Variants in DCDC2 observed in about 807,000 individuals in gnomAD.
DCDC2 encodes the protein doublecortin domain containing 2.
Under a neutral mutation model 50.2 loss-of-function variants are expected in DCDC2, and 40 were observed. The ratio of observed to expected loss-of-function variants is 0.80; its 90% CI spans 0.62 to 1.04. DCDC2 has a LOEUF of 1.04. Among genes scored for constraint, DCDC2 ranks in the 50% least tolerant of loss-of-function variants. The pLI, the probability that DCDC2 is intolerant of heterozygous loss-of-function variation, is 0.00. For missense variants in DCDC2, 570 were observed against 581.9 expected (o/e 0.98, Z 0.21); for synonymous variants, 234 against 210.6 (o/e 1.11, Z -0.96).
At chr6:24,267,379 T>C (rs1763144516) in intron 7 of DCDC2, among the ~76,000 whole-genome samples, 1 of 152,246 alleles carries the variant, frequency 6.6e-6, no homozygotes, top group Non-Finnish European at 1.5e-5. Flanking sequence ...GTGATTATTA[T>C]GAATTATATG....
At chr6:24,314,647 A>C (rs1390443822) in intron 2 of DCDC2, among the ~76,000 whole-genome samples, 1 of 152,146 alleles carries the variant, frequency 6.6e-6, no homozygotes, top group Non-Finnish European at 1.5e-5. Context: ...ATAACTGTTT[A>C]AAAAAATGAA....
At chr6:24,218,417 TTCTC>T (rs1216484859) in intron 7 of DCDC2, among the ~76,000 whole-genome samples, 1 of 152,210 alleles carries the variant, frequency 6.6e-6, no homozygotes, top group Non-Finnish European at 1.5e-5. Flanking sequence ...TGTAGATTTG[TTCTC>T]TATCTATAAT....
intron 7 of DCDC2, among the ~76,000 whole-genome samples, chr6:24,234,924 T>A (rs192388680): frequency 6.6e-6 from 1 of 152,076 alleles, no homozygotes; most frequent in Non-Finnish European, 1.5e-5. Context: ...TATGGGAGGA[T>A]AGAAATGATA....
intron 7 of DCDC2, among the ~76,000 whole-genome samples, chr6:24,220,226 C>T (rs568158419): frequency 6.6e-6 from 1 of 152,236 alleles, no homozygotes; most frequent in Admixed American, 6.5e-5. Flanking sequence ...TATGCAGGTA[C>T]AAAATAAGAA....
chr6:24,196,225 T>C (rs888193082), intron 8 of DCDC2, among the ~76,000 whole-genome samples: 1 of 19,382 alleles, frequency 5.2e-5, no homozygotes, highest in Non-Finnish European at 1.6e-4. Context: ...ATAATTGGCT[T>C]TTTTTTTTTA....
intron 7 of DCDC2, 87 bp from the exon 8 acceptor site, chr6:24,205,189 T>G (rs1761685763): frequency 6.2e-7 from 1 of 1,614,004 alleles, no homozygotes; most frequent in Non-Finnish European, 8.5e-7. Context: ...ATGCTTATTT[T>G]TAATAGACAT....
chr6:24,269,504 A>G (rs1763193241), intron 7 of DCDC2, among the ~76,000 whole-genome samples: 1 of 152,240 alleles, frequency 6.6e-6, no homozygotes, highest in Non-Finnish European at 1.5e-5. Context: ...GTACTGAGCA[A>G]TTAGAACAAA....
intron 7 of DCDC2, among the ~76,000 whole-genome samples, chr6:24,235,766 C>T (rs1762430056): frequency 6.6e-6 from 1 of 152,164 alleles, no homozygotes; most frequent in African/African-American, 2.4e-5. Flanking sequence ...ACTCTCACCT[C>T]TACAAAAGCA....
intron 2 of DCDC2, among the ~76,000 whole-genome samples, chr6:24,352,034 G>T (rs1473104762): frequency 6.6e-6 from 1 of 152,140 alleles, no homozygotes; most frequent in Non-Finnish European, 1.5e-5. Flanking sequence ...AACCCAGGAG[G>T]TGGAGGTTGC....
chr6:24,229,109 T>C (rs1039605650), intron 7 of DCDC2, among the ~76,000 whole-genome samples: 1 of 152,228 alleles, frequency 6.6e-6, no homozygotes, highest in African/African-American at 2.4e-5. Flanking sequence ...TACCACAGAC[T>C]TGGTGGCTGA....
intron 8 of DCDC2, among the ~76,000 whole-genome samples, chr6:24,183,139 G>A (rs1021745492): frequency 2.0e-5 from 3 of 152,140 alleles, no homozygotes; most frequent in Non-Finnish European, 4.4e-5. Flanking sequence ...TTGAGGGAGG[G>A]CGAAATGGGG....
intron 2 of DCDC2, among the ~76,000 whole-genome samples, chr6:24,327,199 TCA>T (rs1204867967): frequency 6.7e-6 from 1 of 149,552 alleles, no homozygotes; most frequent in African/African-American, 2.4e-5. Flanking sequence ...CGTCACCAAT[TCA>T]CAGTTAAGGA....
At chr6:24,348,911 C>A (rs1760314073) in intron 2 of DCDC2, among the ~76,000 whole-genome samples, 1 of 152,188 alleles carries the variant, frequency 6.6e-6, no homozygotes, top group African/African-American at 2.4e-5. Context: ...AGCACAGTTC[C>A]CAGCCCATCT....
intron 1 of DCDC2, among the ~76,000 whole-genome samples, chr6:24,356,088 A>C (rs925557526): frequency 1.2e-4 from 19 of 152,212 alleles, no homozygotes; most frequent in African/African-American, 4.6e-4. Context: ...AGAGAAATGA[A>C]AACTTGTACA....
chr6:24,293,495 A>AAT (rs1389756804), intron 4 of DCDC2, among the ~76,000 whole-genome samples: 7 of 152,188 alleles, frequency 4.6e-5, no homozygotes, highest in African/African-American at 1.7e-4. Context: ...ACCTATCCTA[A>AAT]ATATATACGC....
intron 7 of DCDC2, among the ~76,000 whole-genome samples, chr6:24,213,839 C>A (rs568983804): frequency 1.3e-5 from 2 of 152,080 alleles, no homozygotes; most frequent in African/African-American, 2.4e-5. Context: ...TTATATAATA[C>A]CCCTCTTTGC....
At chr6:24,189,924 C>T (rs984989778) in intron 8 of DCDC2, among the ~76,000 whole-genome samples, 6 of 151,974 alleles carry the variant, frequency 3.9e-5, no homozygotes, top group Non-Finnish European at 5.9e-5. Context: ...CAGAAGTTAT[C>T]GTACTTGTTT....
rs2113738328 is a variant in DCDC2 at position 24,178,339 on chromosome 6, T to C, written c.1317A>G (p.Gly439=). Residue 439 remains glycine, a synonymous_variant, in exon 9 of 10, where the codon GGA becomes GGG. Coordinates refer to ENST00000378454, the MANE Select transcript of DCDC2 (RefSeq NM_016356.5). ...KERKSQGAGS[G]QDEADVDPQR... is the part of the protein sequence containing the mutation. The stretch of plus-strand genomic sequence containing the variant: ...AAAGCAATAGAAATACCTCATCTTG[T>C]CCACTGCCAGCTCCTTGAGACTTTC... The C allele has an allele frequency of 5.0e-6, 8 of 1,613,288 alleles. No individual in the cohort carries two copies. Among genetic ancestry groups the C allele is most frequent in the Non-Finnish European group, 5.1e-6 (6 of 1,179,410 alleles).
At chr6:24,251,374 G>A (rs991892639) in intron 7 of DCDC2, among the ~76,000 whole-genome samples, 2 of 152,150 alleles carry the variant, frequency 1.3e-5, no homozygotes, top group African/African-American at 4.8e-5. Flanking sequence ...ATTGTTAATC[G>A]ATTTTGGTCT....
Sources: allele counts gnomAD v4.1 joint callset (sites outside exome capture counted in the v4.1 genomes callset), GRCh38; gene constraint gnomAD v4.1.1; transcripts MANE v1.5; gene names NCBI Gene and HGNC (gene_info 2026-07-23, HGNC 2026-07-21).